Variants in CDK5RAP2 observed in about 807,000 individuals in gnomAD.
The protein encoded by CDK5RAP2 is CDK5 regulatory subunit associated protein 2, also known as CDK5 regulatory subunit-associated protein 2.
Under a neutral mutation model 232.9 loss-of-function variants are expected in CDK5RAP2, and 147 were observed. That is an observed-to-expected ratio of 0.63 (90% CI 0.55 to 0.72). CDK5RAP2 has a LOEUF of 0.72. CDK5RAP2 is among the 30% of genes least tolerant of loss of function. CDK5RAP2 has a pLI of 0.00. For synonymous variants in CDK5RAP2, 833 were observed against 833.7 expected (o/e 1.00, Z 0.01); for missense variants, 2,195 against 2,231.5 (o/e 0.98, Z 0.33).
intron 27 of CDK5RAP2, among the ~76,000 whole-genome samples, chr9:120,419,372 T>C (rs2034431066): frequency 6.6e-6 from 1 of 152,198 alleles, no homozygotes. Flanking sequence ...ATCACAAATG[T>C]TGTATTTATA....
At chr9:120,474,306 C>T (rs1419049092) in intron 15 of CDK5RAP2, among the ~76,000 whole-genome samples, 1 of 152,104 alleles carries the variant, frequency 6.6e-6, no homozygotes. Context: ...TCATGAGTTA[C>T]AGCAATGATA....
At chr9:120,573,482 G>A (rs1209654029) in intron 1 of CDK5RAP2, among the ~76,000 whole-genome samples, 1 of 151,508 alleles carries the variant, frequency 6.6e-6, no homozygotes, top group Non-Finnish European at 1.5e-5. Context: ...CCAGGAGGCA[G>A]AGGTTGAAGT....
chr9:120,536,994 A>C (rs79785507), intron 6 of CDK5RAP2, among the ~76,000 whole-genome samples: 4,137 of 151,880 alleles, frequency 0.027, 190 homozygotes, highest in African/African-American at 0.094. Context: ...AAAAAAAAAA[A>C]CAACTGTATG....
rs575440480 is a variant in CDK5RAP2, at chr9:120,520,107, T to C, written c.1093-1462A>G. 3.7e-4 allele frequency among the ~76,000 whole-genome samples: 57 copies of C among 152,374 alleles called. 1 individual carries two copies. The South Asian group carries it at 0.011, about 30-fold the overall frequency. On this transcript the variant is annotated intron_variant, in intron 11 of 37. Transcript: ENST00000349780. Reference sequence around the variant, plus strand: ...GAAATGGGAAGTAATGGCCTCTATTTTTTAAATTATTATTTTTTCCTTCTT... The same window carrying C: ...GAAATGGGAAGTAATGGCCTCTATTCTTTAAATTATTATTTTTTCCTTCTT...
chr9:120,572,069 T>G (rs201152779), intron 1 of CDK5RAP2, 28 bp from the exon 2 acceptor site: 11 of 1,538,416 alleles, frequency 7.2e-6, no homozygotes, highest in Non-Finnish European at 9.0e-6. Flanking sequence ...AGATAAGAGA[T>G]GAGCTAATGT....
At chr9:120,538,961 TA>T (rs57285402) in intron 6 of CDK5RAP2, 79 bp downstream of exon 6, 6 of 1,488,432 alleles carry the variant, frequency 4.0e-6, no homozygotes, top group Non-Finnish European at 4.7e-6. Context: ...TGACGGTTTA[TA>T]AAAAAAGAAA....
intron 8 of CDK5RAP2, among the ~76,000 whole-genome samples, chr9:120,529,159 C>T (rs2041036416): frequency 6.6e-6 from 1 of 152,234 alleles, no homozygotes; most frequent in African/African-American, 2.4e-5. Context: ...GGCAAGGCCA[C>T]AGCATCCACT....
intron 17 of CDK5RAP2, 147 bp downstream of exon 17, chr9:120,469,964 C>T: frequency 1.7e-6 from 1 of 585,218 alleles, no homozygotes; most frequent in Admixed American, 3.0e-5. Context: ...AGTTAACGGA[C>T]ACAGGAGGGG....
At chr9:120,395,187 G>A (rs1450658171) in intron 35 of CDK5RAP2, among the ~76,000 whole-genome samples, 6 of 152,190 alleles carry the variant, frequency 3.9e-5, no homozygotes, top group Admixed American at 2.6e-4. Context: ...AACACGTCCT[G>A]TATAAAAGGC....
chr9:120,570,344 C>A (rs2042808521), intron 2 of CDK5RAP2, among the ~76,000 whole-genome samples: 1 of 152,182 alleles, frequency 6.6e-6, no homozygotes, highest in Non-Finnish European at 1.5e-5. Flanking sequence ...AAACTCTAGC[C>A]TGACCCACCT....
At chr9:120,450,153 T>A (rs976172390) in intron 21 of CDK5RAP2, among the ~76,000 whole-genome samples, 2 of 152,236 alleles carry the variant, frequency 1.3e-5, no homozygotes, top group Non-Finnish European at 2.9e-5. Flanking sequence ...ATGGATATAC[T>A]ATGGAATACT....
rs747762605 is a variant in CDK5RAP2, at chr9:120,409,175, T to C, written c.4556A>G (p.Asn1519Ser). The change falls in exon 30 of 38, where the codon AAC becomes AGC. Residue 1519 changes from asparagine (N) to serine (S), a missense_variant. Coordinates refer to ENST00000349780, the MANE Select transcript of CDK5RAP2 (RefSeq NM_018249.6). Reference protein sequence around the residue: ...QKEGSEKERHNQQLIQEVRCS... With the variant: ...QKEGSEKERHSQQLIQEVRCS... Reference sequence around the variant, plus strand: ...GCGGACCTCCTGGATCAGCTGCTGGTTGTGTCTCTCCTTCTCGCTGCCTTC... The same window carrying C: ...GCGGACCTCCTGGATCAGCTGCTGGCTGTGTCTCTCCTTCTCGCTGCCTTC... 2.5e-6 allele frequency: 4 copies of C among 1,613,408 alleles called. No individual in the cohort carries two copies. The East Asian group carries it at 8.9e-5, about 36-fold the overall frequency.
At chr9:120,504,088 GA>G (rs1458171188) in intron 12 of CDK5RAP2, among the ~76,000 whole-genome samples, 1 of 152,124 alleles carries the variant, frequency 6.6e-6, no homozygotes. Flanking sequence ...GCAGAATGGG[GA>G]ATCAAAGTAC....
chr9:120,555,752 C>A (rs1460213111), intron 3 of CDK5RAP2, among the ~76,000 whole-genome samples: 1 of 152,196 alleles, frequency 6.6e-6, no homozygotes, highest in Non-Finnish European at 1.5e-5. Flanking sequence ...AAAACCTGTA[C>A]ATAAATGTTT....
intron 1 of CDK5RAP2, among the ~76,000 whole-genome samples, chr9:120,576,916 A>T (rs945271312): frequency 3.3e-5 from 5 of 152,220 alleles, no homozygotes; most frequent in African/African-American, 1.2e-4. Context: ...TCTAAAAAAA[A>T]TTAAAAACAA....
At chr9:120,392,244 T>G in intron 36 of CDK5RAP2, among the ~76,000 whole-genome samples, 1 of 152,090 alleles carries the variant, frequency 6.6e-6, no homozygotes, top group South Asian at 2.1e-4. Flanking sequence ...TTTTATAAAG[T>G]TGCTATTGAA....
At chr9:120,433,632 C>T (rs1007173701) in intron 25 of CDK5RAP2, among the ~76,000 whole-genome samples, 1 of 152,240 alleles carries the variant, frequency 6.6e-6, no homozygotes, top group African/African-American at 2.4e-5. Context: ...TTTCTCTATG[C>T]CTCAGTTCAT....
rs866357122 is a variant in CDK5RAP2 at position 120,537,664 on chromosome 9, C to T, written c.508-1138G>A. The stretch of plus-strand genomic sequence containing the variant: ...TGTGACCCTGAGCAAGTGACTTAGC[C>T]ACACTGTGCCTGTTTCATCATCTGT... On this transcript the variant is annotated intron_variant, in intron 6 of 37. Coordinates refer to ENST00000349780, the MANE Select transcript of CDK5RAP2 (RefSeq NM_018249.6). Among the ~76,000 whole-genome samples the T allele has an allele frequency of 4.0e-5, 6 of 151,176 alleles. No individual in the cohort carries two copies. In the South Asian group the frequency reaches 1.3e-3, roughly 32 times the overall value.
chr9:120,578,601 T>C, intron 1 of CDK5RAP2, among the ~76,000 whole-genome samples: 1 of 151,786 alleles, frequency 6.6e-6, no homozygotes, highest in Non-Finnish European at 1.5e-5. Context: ...GAGTCTCACT[T>C]TGTCACCCAG....
Sources: allele counts gnomAD v4.1 joint callset (sites outside exome capture counted in the v4.1 genomes callset), GRCh38; gene constraint gnomAD v4.1.1; transcripts MANE v1.5; gene names NCBI Gene and HGNC (gene_info 2026-07-23, HGNC 2026-07-21).